Variants in CNTLN observed in about 807,000 individuals in gnomAD.
CNTLN encodes the protein centlein, centrosomal protein.
CNTLN carries 212 observed loss-of-function variants against 180.0 expected under a neutral mutation model. The observed-to-expected ratio is 1.18, with a 90% confidence interval of 1.05 to 1.32. The LOEUF (loss-of-function observed/expected upper bound fraction) is 1.32. CNTLN is among the 40% of genes most tolerant of loss of function. The pLI, the probability that CNTLN is intolerant of heterozygous loss-of-function variation, is 0.00. For synonymous variants in CNTLN, 722 were observed against 563.1 expected (o/e 1.28, Z -3.99); for missense variants, 2,095 against 1,610.9 (o/e 1.30, Z -5.14).
At chr9:17,457,336 CA>C (rs1311953221) in intron 18 of CNTLN, among the ~76,000 whole-genome samples, 187 bp from the exon 19 acceptor site, 3 of 151,958 alleles carry the variant, frequency 2.0e-5, no homozygotes, top group African/African-American at 7.2e-5. Context: ...TTTACCTTTG[CA>C]AGCCATACTA....
At chr9:17,329,853 A>G (rs529421776) in intron 8 of CNTLN, among the ~76,000 whole-genome samples, 11 of 151,624 alleles carry the variant, frequency 7.3e-5, no homozygotes, top group Non-Finnish European at 1.0e-4. Context: ...AAGATTTGAC[A>G]TTTGTTTGCC....
intron 12 of CNTLN, among the ~76,000 whole-genome samples, chr9:17,355,339 A>G (rs1822749743): frequency 6.6e-6 from 1 of 152,110 alleles, no homozygotes. Context: ...TTCTTTACAT[A>G]TTCTAGATGT....
chr9:17,388,281 G>T (rs1825842254), intron 14 of CNTLN, 28 bp downstream of exon 14: 1 of 1,435,680 alleles, frequency 7.0e-7, no homozygotes, highest in South Asian at 1.2e-5. Context: ...ATATTGAGCT[G>T]AGCAAGTTAA....
intron 6 of CNTLN, among the ~76,000 whole-genome samples, chr9:17,290,018 C>G (rs1829260812): frequency 6.6e-6 from 1 of 152,186 alleles, no homozygotes; most frequent in African/African-American, 2.4e-5. Flanking sequence ...TCGTCAGAAT[C>G]ATTCTCCATC....
intron 5 of CNTLN, among the ~76,000 whole-genome samples, chr9:17,252,037 A>G (rs111608382): frequency 9.2e-5 from 14 of 152,012 alleles, no homozygotes; most frequent in African/African-American, 3.4e-4. Flanking sequence ...CTTCAGTTCC[A>G]TCCATGCTAC....
At chr9:17,259,593 T>A (rs973314176) in intron 5 of CNTLN, among the ~76,000 whole-genome samples, 1 of 150,844 alleles carries the variant, frequency 6.6e-6, no homozygotes, top group Non-Finnish European at 1.5e-5. Context: ...CGGCTGTGAA[T>A]CCATCTGGTC....
At chr9:17,446,208 G>T (rs1830409527) in intron 18 of CNTLN, among the ~76,000 whole-genome samples, 1 of 152,088 alleles carries the variant, frequency 6.6e-6, no homozygotes, top group Admixed American at 6.6e-5. Flanking sequence ...CTGAACGCTG[G>T]TTCCCCGGGT....
intron 7 of CNTLN, chr9:17,299,806 CTTTCTGTTGCTTGGAACATTTTT>C (rs1479552594): frequency 5.1e-6 from 5 of 983,896 alleles, no homozygotes; most frequent in Non-Finnish European, 6.0e-6. Flanking sequence ...CCATTGATGA[CTTTCTGTTGCTTGGAACATTTTT>C]TTTCTGTTGC....
intron 2 of CNTLN, among the ~76,000 whole-genome samples, chr9:17,186,881 C>T (rs918218211): frequency 2.0e-5 from 3 of 151,886 alleles, no homozygotes; most frequent in African/African-American, 7.3e-5. Context: ...TCCAGACTAC[C>T]TACTTAATTT....
intron 12 of CNTLN, among the ~76,000 whole-genome samples, chr9:17,352,468 C>T (rs1257981959): frequency 1.5e-5 from 2 of 135,996 alleles, no homozygotes; most frequent in African/African-American, 5.5e-5. Flanking sequence ...CTGCATTTTT[C>T]TGAGATGGAA....
At chr9:17,192,611 A>G (rs1397137329) in intron 2 of CNTLN, among the ~76,000 whole-genome samples, 2 of 152,132 alleles carry the variant, frequency 1.3e-5, no homozygotes. Context: ...AACTTGCTTA[A>G]ACTCACAGAG....
chr9:17,516,887 A>G, the CNTLN span, among the ~76,000 whole-genome samples: 9 of 152,202 alleles, frequency 5.9e-5, no homozygotes, highest in East Asian at 1.7e-3. Context: ...TAGTGCCTAT[A>G]ACAGTGCCTG....
rs1466902948 is a variant in CNTLN, at chr9:17,340,928, G to A, written c.1746G>A (p.Gln582=). 1 of 1,610,468 alleles carries A rather than the reference G, an allele frequency of 6.2e-7. No individual in the cohort carries two copies. Reference sequence around the variant, plus strand: ...GAGCAGTAAAAGAGCAATTAAAACAGTGGGAAGAAGGCAGTGGCATGTGAG... The same window carrying A: ...GAGCAGTAAAAGAGCAATTAAAACAATGGGAAGAAGGCAGTGGCATGTGAG... ...NYRAVKEQLK[Q]WEEGSGMTEI... Residue 582 remains glutamine, a synonymous_variant, in exon 11 of 26, where the codon CAG becomes CAA. Transcript: ENST00000380647.
chr9:17,185,114 ATTC>A (rs1413728401), intron 2 of CNTLN, among the ~76,000 whole-genome samples: 2 of 152,214 alleles, frequency 1.3e-5, no homozygotes, highest in African/African-American at 4.8e-5. Flanking sequence ...GGAAAATAGA[ATTC>A]TTTTGGAATT....
intron 12 of CNTLN, among the ~76,000 whole-genome samples, chr9:17,361,310 A>G (rs1302690054): frequency 6.6e-6 from 1 of 151,924 alleles, no homozygotes; most frequent in Admixed American, 6.6e-5. Context: ...CACAGGTTTT[A>G]GAGTATCATT....
At chr9:17,229,991 A>G (rs938815914) in intron 3 of CNTLN, among the ~76,000 whole-genome samples, 5 of 152,190 alleles carry the variant, frequency 3.3e-5, no homozygotes, top group Non-Finnish European at 7.3e-5. Context: ...ATTAAATTCA[A>G]TGGAGTTTAA....
Position 17,232,375 on chromosome 9 carries a change from T to C in CNTLN, c.535-3283T>C, listed in dbSNP as rs1824868152. 2.0e-5 allele frequency among the ~76,000 whole-genome samples: 3 copies of C among 152,028 alleles called. 1 individual carries two copies. The South Asian group carries it at 6.2e-4, about 31-fold the overall frequency. ...TTTTAATTTACAGATTGAGTCTGTGTTTGTCCTTTTGAATTACTATTATAA... is the reference window on the plus strand; with the variant it reads ...TTTTAATTTACAGATTGAGTCTGTGCTTGTCCTTTTGAATTACTATTATAA... On this transcript the variant is annotated intron_variant, in intron 3 of 25. Coordinates refer to ENST00000380647, the MANE Select transcript of CNTLN (RefSeq NM_017738.4).
chr9:17,150,582 A>G (rs1342692038), intron 2 of CNTLN, among the ~76,000 whole-genome samples: 1 of 152,170 alleles, frequency 6.6e-6, no homozygotes, highest in African/African-American at 2.4e-5. Context: ...GTCAGGTAGC[A>G]TGATGCCTCC....
intron 24 of CNTLN, among the ~76,000 whole-genome samples, chr9:17,485,004 T>G (rs1832826013): frequency 6.6e-6 from 1 of 152,168 alleles, no homozygotes; most frequent in African/African-American, 2.4e-5. Flanking sequence ...TCTGAGTGAA[T>G]TTATATGCAT....
Sources: allele counts gnomAD v4.1 joint callset (sites outside exome capture counted in the v4.1 genomes callset), GRCh38; gene constraint gnomAD v4.1.1; transcripts MANE v1.5; gene names NCBI Gene and HGNC (gene_info 2026-07-23, HGNC 2026-07-21).